QPRT: variants seen among roughly 807,000 people sequenced by gnomAD.
QPRT encodes the protein quinolinate phosphoribosyltransferase.
In QPRT, 17 loss-of-function variants were observed where a neutral mutation model predicts 19.8. The observed-to-expected ratio is 0.86, with a 90% CI of 0.59 to 1.29. QPRT has a LOEUF of 1.29. Among genes scored for constraint, QPRT ranks in the 50% most tolerant of loss-of-function variants. QPRT has a pLI of 0.00. For synonymous variants in QPRT, 178 were observed against 191.0 expected (o/e 0.93, Z 0.56); for missense variants, 336 against 405.1 (o/e 0.83, Z 1.46).
chr16:29,697,593 TCA>T lies in QPRT; in HGVS notation c.*183_*184del, dbSNP rs1033617928. On this transcript the variant is annotated 3_prime_UTR_variant, in exon 4 of 4. Transcript: ENST00000395384. This position sits in a 1 kb window ranked among gnomAD's most constrained non-coding sequence, Gnocchi z 4.4. ...AGGGCTGACTTCACCTCTGCTCATCTCAGTTTCCTAATCTGTAAAATGGGTCT... is the reference window on the plus strand; with the variant it reads ...AGGGCTGACTTCACCTCTGCTCATCTGTTTCCTAATCTGTAAAATGGGTCT... The T allele has an allele frequency of 1.6e-6, 1 of 633,018 alleles. No homozygotes were observed. Among genetic ancestry groups the T allele is most frequent in the African/African-American group, 1.8e-5 (1 of 54,408 alleles). 39.2% of individuals were successfully genotyped at this position (633,018 alleles called of 1,614,324 possible).
intron 2 of QPRT, 145 bp from the exon 3 acceptor site, chr16:29,696,851 G>A (rs991012611): frequency 1.4e-5 from 13 of 957,964 alleles, no homozygotes; most frequent in South Asian, 3.7e-5. Context: ...TGGTCCACCC[G>A]AAGCTTTTCA....
Position 29,679,221 on chromosome 16 carries a change from ACT to A in QPRT, c.13+18_13+19del, listed in dbSNP as rs761499067. 1.9e-6 allele frequency: 3 copies of A among 1,601,596 alleles called. No individual in the cohort carries two copies. The highest frequency in any genetic ancestry group is 2.6e-6 in the Non-Finnish European group (3 of 1,169,728). ...CCATGGACGCTGAAGGTAAAGGGAC[ACT>A]CTCTCTGCCATGTCCCTGCACCCAT... is the stretch of plus-strand genomic sequence containing the variant. On this transcript the variant is annotated intron_variant, in intron 1 of 3. Transcript: ENST00000395384.
Position 29,695,020 on chromosome 16 carries a change from G to A in QPRT, c.370G>A (p.Ala124Thr), listed in dbSNP as rs960918475. The A allele has an allele frequency of 1.2e-6, 2 of 1,604,990 alleles. No individual in the cohort carries two copies. Among genetic ancestry groups the A allele is most frequent in the South Asian group, 1.1e-5 (1 of 90,930 alleles). Reference sequence around the variant, plus strand: ...CAGTGCTGCCGCCGCTGCAGTGGAGGCCGCCAGGGGGGCCGGCTGGACTGG... The same window carrying A: ...CAGTGCTGCCGCCGCTGCAGTGGAGACCGCCAGGGGGGCCGGCTGGACTGG... ...IASAAAAAVE[A>T]ARGAGWTGHV... is the part of the protein sequence containing the mutation. The change falls in exon 2 of 4, where the codon GCC becomes ACC. Residue 124 changes from alanine (A) to threonine (T), a missense_variant. Coordinates refer to ENST00000395384, the MANE Select transcript of QPRT (RefSeq NM_014298.6).
Position 29,697,476 on chromosome 16 carries a change from A to G in QPRT, c.*65A>G. On this transcript the variant is annotated 3_prime_UTR_variant, in exon 4 of 4. Coordinates refer to ENST00000395384, the MANE Select transcript of QPRT (RefSeq NM_014298.6). The surrounding 1 kb of genome is among the most constrained non-coding windows in gnomAD (Gnocchi z 4.4). The stretch of plus-strand genomic sequence containing the variant: ...GTGGCTCCTCAGGACCCTCTGGGTC[A>G]CACATCTTTAGGGTCAGTGGCCAAT... The G allele has an allele frequency of 6.7e-7, 1 of 1,501,976 alleles. No individual in the cohort carries two copies. The highest frequency in any genetic ancestry group is 9.0e-7 in the Non-Finnish European group (1 of 1,107,514). 93.0% of individuals were successfully genotyped at this position (1,501,976 alleles called of 1,614,324 possible). A position where few individuals can be genotyped will look rare whatever the true frequency, so the allele number is the denominator to read the frequency against.
intron 1 of QPRT, among the ~76,000 whole-genome samples, chr16:29,689,648 C>T (rs1028329953): frequency 3.9e-5 from 6 of 152,068 alleles, no homozygotes; most frequent in Admixed American, 1.3e-4. Flanking sequence ...GAACCAGACC[C>T]GAAATCAGGC....
At position 29,698,252 on chromosome 16, in the gene QPRT, AAGG is replaced by A. The variant is rs1967612298; in HGVS notation, c.*844_*846del. The A allele has an allele frequency of 1.3e-5, 2 of 152,244 alleles. No individual in the cohort carries two copies. Among genetic ancestry groups the A allele is most frequent in the African/African-American group, 4.8e-5 (2 of 41,342 alleles). 9.4% of individuals were successfully genotyped at this position (152,244 alleles called of 1,614,324 possible). ...CCAAAGGGGCCAGTCCCACAGTAAG[AAGG>A]AGACCACTACTACTCCTGCTGCCCT... is the stretch of plus-strand genomic sequence containing the variant. On this transcript the variant is annotated 3_prime_UTR_variant, in exon 4 of 4. Coordinates refer to ENST00000395384, the MANE Select transcript of QPRT (RefSeq NM_014298.6).
At chr16:29,689,719 T>C (rs2142304669) in intron 1 of QPRT, among the ~76,000 whole-genome samples, 1 of 152,194 alleles carries the variant, frequency 6.6e-6, no homozygotes. Flanking sequence ...GCAACTGTTG[T>C]TATCTATAGA....
intron 1 of QPRT, among the ~76,000 whole-genome samples, chr16:29,692,927 G>A (rs1310600914): frequency 6.6e-6 from 1 of 151,926 alleles, no homozygotes; most frequent in Non-Finnish European, 1.5e-5. Flanking sequence ...CGGGTATGGT[G>A]GCAGGCGCCT....
intron 1 of QPRT, among the ~76,000 whole-genome samples, chr16:29,687,558 G>A (rs924949803): frequency 2.6e-5 from 4 of 152,068 alleles, no homozygotes; most frequent in South Asian, 2.1e-4. Context: ...TGACCTCCTC[G>A]TGCTGTTATA....
chr16:29,679,009 A>G, upstream of QPRT: 1 of 942,692 alleles, frequency 1.1e-6, no homozygotes, highest in Admixed American at 2.8e-5. Flanking sequence ...CCCTCCTCTG[A>G]CTTTCAGGGC....
chr16:29,681,238 C>T (rs1966992883), intron 1 of QPRT, among the ~76,000 whole-genome samples: 1 of 152,024 alleles, frequency 6.6e-6, no homozygotes, highest in African/African-American at 2.4e-5. Context: ...CTGTAGAAGC[C>T]CGTTTCCACA....
chr16:29,681,493 C>CTTCTTT (rs1205256173), intron 1 of QPRT, among the ~76,000 whole-genome samples: 2 of 97,152 alleles, frequency 2.1e-5, no homozygotes, highest in Admixed American at 2.8e-4. Context: ...GATCCAGATT[C>CTTCTTT]TTTTTTTTTT....
At chr16:29,693,836 C>T (rs1486043976) in intron 1 of QPRT, among the ~76,000 whole-genome samples, 2 of 151,748 alleles carry the variant, frequency 1.3e-5, no homozygotes, top group Admixed American at 6.6e-5. Context: ...GTGATCCTCC[C>T]GCCTTGGCCT....
intron 1 of QPRT, among the ~76,000 whole-genome samples, chr16:29,692,189 T>C (rs1967362469): frequency 6.6e-6 from 1 of 152,224 alleles, no homozygotes; most frequent in Non-Finnish European, 1.5e-5. Context: ...CCCGCAGCCA[T>C]GCAGGGCCCA....
intron 1 of QPRT, 58 bp downstream of exon 1, chr16:29,679,268 GC>G: frequency 7.3e-7 from 1 of 1,364,924 alleles, no homozygotes; most frequent in Non-Finnish European, 1.0e-6. Flanking sequence ...GCCTACCCCT[GC>G]CCCCACCCTG....
At chr16:29,679,356 A>C in intron 1 of QPRT, 146 bp downstream of exon 1, 4 of 574,652 alleles carry the variant, frequency 7.0e-6, no homozygotes, top group South Asian at 2.3e-5. Flanking sequence ...TACCTACCCC[A>C]TGTCCCTGCA....
chr16:29,698,341 AAAC>A lies in QPRT; in HGVS notation c.*933_*935del, dbSNP rs927766807. 3 of 152,222 alleles carry A rather than the reference AAAC, an allele frequency of 2.0e-5. No individual in the cohort carries two copies. The highest frequency in any genetic ancestry group is 7.2e-5 in the African/African-American group (3 of 41,426). 9.4% of individuals were successfully genotyped at this position (152,222 alleles called of 1,614,324 possible). ...GAAAGAGAGAAAGCAAAAAGTTAGA[AAAC>A]AAAACAAAACAGAAGTAAGATAAAT... On this transcript the variant is annotated 3_prime_UTR_variant, in exon 4 of 4. Coordinates refer to ENST00000395384, the MANE Select transcript of QPRT (RefSeq NM_014298.6).
At chr16:29,691,769 T>C (rs188705941) in intron 1 of QPRT, among the ~76,000 whole-genome samples, 1 of 152,234 alleles carries the variant, frequency 6.6e-6, no homozygotes, top group Admixed American at 6.6e-5. Context: ...AGCCTCAGTA[T>C]AGCTAGCTCT....
intron 1 of QPRT, among the ~76,000 whole-genome samples, chr16:29,686,904 A>G (rs1967178688): frequency 6.6e-6 from 1 of 152,194 alleles, no homozygotes; most frequent in East Asian, 1.9e-4. Flanking sequence ...TCCATTTTTC[A>G]CTGATTCTCT....
Sources: gnomAD v4.1 joint callset for allele counts (sites outside exome capture counted in the v4.1 genomes callset) on GRCh38, gnomAD v4.1.1 for gene constraint, Gnocchi (gnomAD v3.1) non-coding constraint, MANE v1.5 for transcripts, NCBI Gene and HGNC (gene_info 2026-07-23, HGNC 2026-07-21) for gene names.